Variants in HACD3 observed in about 807,000 individuals in gnomAD.
HACD3 encodes very-long-chain (3R)-3-hydroxyacyl-CoA dehydratase 3.
HACD3 carries 30 observed loss-of-function variants against 55.2 expected under a neutral mutation model. The ratio of observed to expected loss-of-function variants is 0.54; its 90% CI spans 0.41 to 0.74. The LOEUF is 0.74. HACD3 is among the 30% of genes least tolerant of loss of function. The pLI is 0.00. For synonymous variants in HACD3, 141 were observed against 151.7 expected (o/e 0.93, Z 0.52); for missense variants, 363 against 440.1 (o/e 0.82, Z 1.57).
Position 65,556,801 on chromosome 15 carries a change from G to T in HACD3, c.267G>T (p.Trp89Cys). 6.2e-7 allele frequency: 1 copy of T among 1,612,254 alleles called. No individual in the cohort carries two copies. Among genetic ancestry groups the T allele is most frequent in the Non-Finnish European group, 8.5e-7 (1 of 1,179,112 alleles). ...NITVQKKVSQ[W>C]WERLTKQEKR... ...CAGTACAGAAGAAAGTGAGTCAGTG[G>T]TGGGAGAGACTCACAAAGCAGGAAA... The change falls in exon 4 of 11, where the codon TGG (tryptophan) becomes TGT (cysteine). Residue 89 changes from tryptophan (W) to cysteine (C), a missense_variant. Coordinates refer to ENST00000261875, the MANE Select transcript of HACD3 (RefSeq NM_016395.4).
At chr15:65,559,405 G>A (rs1025958721) in intron 5 of HACD3, among the ~76,000 whole-genome samples, 1 of 151,698 alleles carries the variant, frequency 6.6e-6, no homozygotes, top group African/African-American at 2.4e-5. Context: ...GCAGGTGTAT[G>A]TAAAACTACC....
rs534618335 is a variant in HACD3, at chr15:65,563,269, G to A, written c.532+385G>A. Among the ~76,000 whole-genome samples the A allele has an allele frequency of 6.6e-5, 10 of 152,136 alleles. No individual in the cohort carries two copies. The South Asian group carries it at 1.5e-3, about 22-fold the overall frequency. The stretch of plus-strand genomic sequence containing the variant: ...TCTCACCCTTTTGGAGCCTAAATAC[G>A]TTCTAAAATGAACTATTCTAAAACA... On this transcript the variant is annotated intron_variant, in intron 6 of 10. Transcript: ENST00000261875.
At chr15:65,554,845 C>T in intron 2 of HACD3, 42 bp from the exon 3 acceptor site, 1 of 1,462,334 alleles carries the variant, frequency 6.8e-7, no homozygotes, top group Non-Finnish European at 9.6e-7. Context: ...GATGGCCTTG[C>T]TCTGCTCAAG....
rs376027420 is a variant in HACD3, at chr15:65,551,831, G to A, written c.130+113G>A. 16 of 1,186,608 alleles carry A rather than the reference G, an allele frequency of 1.3e-5. No homozygotes were observed. The East Asian group carries it at 3.1e-4, about 23-fold the overall frequency. The allele number at this position is 1,186,608 out of a possible 1,614,324, so 73.5% of individuals were successfully genotyped here. On this transcript the variant is annotated intron_variant, in intron 2 of 10. Coordinates refer to ENST00000261875, the MANE Select transcript of HACD3 (RefSeq NM_016395.4). Reference sequence around the variant, plus strand: ...TTACTTGTTTTTTGCTGATGTTCACGCCTCTGATCCTCATGAGGTAAGCTA... The same window carrying A: ...TTACTTGTTTTTTGCTGATGTTCACACCTCTGATCCTCATGAGGTAAGCTA...
chr15:65,537,840 C>T (rs1268596166), intron 1 of HACD3, among the ~76,000 whole-genome samples: 47 of 141,984 alleles, frequency 3.3e-4, no homozygotes, highest in African/African-American at 1.1e-3. Context: ...TGCCTATGCT[C>T]TGTAAGTGGA....
intron 10 of HACD3, among the ~76,000 whole-genome samples, chr15:65,575,234 C>T (rs1307118733): frequency 1.3e-5 from 2 of 149,484 alleles, no homozygotes; most frequent in Admixed American, 6.7e-5. Context: ...GTCACCCAGG[C>T]TGGAGTGCAG....
At chr15:65,537,583 G>A (rs1036308065) in intron 1 of HACD3, among the ~76,000 whole-genome samples, 17 of 151,434 alleles carry the variant, frequency 1.1e-4, no homozygotes, top group Non-Finnish European at 2.4e-4. Context: ...CTGAGGTCAG[G>A]AGTTCAAGAT....
chr15:65,547,312 T>C (rs1216281567), intron 1 of HACD3, among the ~76,000 whole-genome samples: 1 of 152,172 alleles, frequency 6.6e-6, no homozygotes, highest in Non-Finnish European at 1.5e-5. Flanking sequence ...AGACAGGGTT[T>C]CACCATATTG....
At chr15:65,564,425 G>T in intron 7 of HACD3, 83 bp downstream of exon 7, 1 of 1,494,672 alleles carries the variant, frequency 6.7e-7, no homozygotes. Flanking sequence ...CCATTTTCAT[G>T]CTGCTCATAA....
intron 1 of HACD3, among the ~76,000 whole-genome samples, chr15:65,548,145 C>T (rs575441933): frequency 2.6e-5 from 4 of 152,226 alleles, no homozygotes; most frequent in Non-Finnish European, 4.4e-5. Flanking sequence ...TTACTAGTTG[C>T]CAGGGTCTGT....
rs974075485 is a variant in HACD3 at position 65,546,009 on chromosome 15, C to T, written c.88-5667C>T. Among the ~76,000 whole-genome samples, 8 of 152,342 alleles carry T rather than the reference C, an allele frequency of 5.3e-5. No homozygotes were observed. The East Asian group carries it at 7.7e-4, about 15-fold the overall frequency. On this transcript the variant is annotated intron_variant, in intron 1 of 10. Transcript: ENST00000261875. ...CTCTCGGAACTGAGCAGTCCTGTTG[C>T]GGGAGACCCAAGCCACATGGAGTGG... is the stretch of plus-strand genomic sequence containing the variant.
chr15:65,572,322 G>C lies in HACD3; in HGVS notation c.968G>C (p.Arg323Thr). ...TLPYPVKIKV[R>T]FSFFLQIYLI... The stretch of plus-strand genomic sequence containing the variant: ...CCATATCCAGTGAAAATCAAAGTTA[G>C]ATTTTCCTTTTTTCTTCAGATTTAT... Residue 323 changes from arginine (R) to threonine (T), a missense_variant, in exon 10 of 11, where the codon AGA (arginine) becomes ACA (threonine). Physicochemically the swap from Arg to Thr is moderately conservative, Grantham distance 71. Transcript: ENST00000261875. 6.2e-7 allele frequency: 1 copy of C among 1,612,786 alleles called. No individual in the cohort carries two copies. The highest frequency in any genetic ancestry group is 2.2e-5 in the East Asian group (1 of 44,832).
intron 1 of HACD3, among the ~76,000 whole-genome samples, chr15:65,548,645 T>C (rs1238899533): frequency 6.6e-6 from 1 of 151,936 alleles, no homozygotes; most frequent in East Asian, 1.9e-4. Flanking sequence ...CAATAAAAGC[T>C]CACTGCAGCT....
intron 1 of HACD3, among the ~76,000 whole-genome samples, chr15:65,550,203 C>T (rs2072118762): frequency 6.6e-6 from 1 of 152,132 alleles, no homozygotes; most frequent in Admixed American, 6.5e-5. Flanking sequence ...GCCTGGCCAA[C>T]ATGGTGAAAC....
Position 65,554,953 on chromosome 15 carries a change from A to G in HACD3, c.197A>G (p.Lys66Arg). 6.2e-7 allele frequency: 1 copy of G among 1,603,506 alleles called. No homozygotes were observed. The highest frequency in any genetic ancestry group is 8.5e-7 in the Non-Finnish European group (1 of 1,170,332). The change falls in exon 3 of 11, where the codon AAA (lysine) becomes AGA (arginine). Residue 66 changes from lysine (K) to arginine (R), a missense_variant. Lys to Arg is a conservative substitution (Grantham distance 26, BLOSUM62 2). Transcript: ENST00000261875. ...CACCTGGAGTTCTTAGACCTTGTGA[A>G]ACCAGAGGTATGTTCTTTCCTTTCT... is the stretch of plus-strand genomic sequence containing the variant. ...EFHLEFLDLV[K>R]PEPVYKLTQR...
intron 4 of HACD3, among the ~76,000 whole-genome samples, chr15:65,558,000 A>T (rs1365102808): frequency 7.5e-6 from 1 of 134,226 alleles, no homozygotes; most frequent in Non-Finnish European, 1.6e-5. Flanking sequence ...CTCCAGGCTT[A>T]TCTTGCATGT....
At chr15:65,562,982 C>G (rs757592726) in intron 6 of HACD3, 98 bp downstream of exon 6, 18 of 1,520,112 alleles carry the variant, frequency 1.2e-5, no homozygotes, top group African/African-American at 6.9e-5. Flanking sequence ...TAATAATAAC[C>G]CCTGCATTTG....
chr15:65,556,725 A>G lies in HACD3; in HGVS notation c.205-14A>G, dbSNP rs771085935. 2 of 1,586,696 alleles carry G rather than the reference A, an allele frequency of 1.3e-6. No individual in the cohort carries two copies. The highest frequency in any genetic ancestry group is 2.3e-5 in the South Asian group (2 of 88,758). On this transcript the variant is annotated splice_polypyrimidine_tract_variant and intron_variant, in intron 3 of 10. Coordinates refer to ENST00000261875, the MANE Select transcript of HACD3 (RefSeq NM_016395.4). Reference sequence around the variant, plus strand: ...CAGAAGAGGGCATTCTCACATTTTCACTTTCTCTCCTAGCCTGTTTACAAA... The same window carrying G: ...CAGAAGAGGGCATTCTCACATTTTCGCTTTCTCTCCTAGCCTGTTTACAAA...
At chr15:65,570,904 T>C (rs917441286) in intron 8 of HACD3, among the ~76,000 whole-genome samples, 5 of 152,186 alleles carry the variant, frequency 3.3e-5, no homozygotes, top group Non-Finnish European at 7.3e-5. Flanking sequence ...CTGTGTCCCA[T>C]GGCACCCAGT....
Sources: gnomAD v4.1 joint callset for allele counts (sites outside exome capture counted in the v4.1 genomes callset) on GRCh38, gnomAD v4.1.1 for gene constraint, MANE v1.5 for transcripts, NCBI Gene and HGNC (gene_info 2026-07-23, HGNC 2026-07-21) for gene names.